TAFA2: variants seen among roughly 807,000 people sequenced by gnomAD.
TAFA2 encodes chemokine-like protein TAFA-2.
TAFA2 carries 7 observed loss-of-function variants against 18.8 expected under a neutral mutation model. The observed-to-expected ratio is 0.37, with a 90% CI of 0.21 to 0.70. The LOEUF (loss-of-function observed/expected upper bound fraction) is 0.70, where lower values mean the gene tolerates loss of function less well. Among genes scored for constraint, TAFA2 ranks in the 30% least tolerant of loss-of-function variants. TAFA2 has a pLI of 0.53. For missense variants in TAFA2, 122 were observed against 158.1 expected (o/e 0.77, Z 1.23); for synonymous variants, 60 against 54.2 (o/e 1.11, Z -0.47).
In TAFA2 at chr12:62,163,322, A is replaced by G. The variant is rs186603830; in HGVS notation, c.-2+27937T>C. Among the ~76,000 whole-genome samples, 8 of 152,268 alleles carry G rather than the reference A, an allele frequency of 5.3e-5. No homozygotes were observed. The East Asian group carries it at 1.5e-3, about 29-fold the overall frequency. ...CAAACACTGAAAGAAAACACGAATC[A>G]CAACTTTCCATTGCTCTTAGGAGCT... is the stretch of plus-strand genomic sequence containing the variant. On this transcript the variant is annotated intron_variant, in intron 1 of 4. Coordinates refer to ENST00000416284, the MANE Select transcript of TAFA2 (RefSeq NM_178539.5).
At chr12:61,849,300 C>T (rs1873542566) in intron 2 of TAFA2, among the ~76,000 whole-genome samples, 1 of 152,176 alleles carries the variant, frequency 6.6e-6, no homozygotes, top group Admixed American at 6.5e-5. Flanking sequence ...AGCTCAAACC[C>T]TAAACACTTC....
At chr12:62,164,858 T>A (rs2136934178) in intron 1 of TAFA2, among the ~76,000 whole-genome samples, 1 of 152,158 alleles carries the variant, frequency 6.6e-6, no homozygotes, top group East Asian at 1.9e-4. Flanking sequence ...CACAGAGGGC[T>A]AAACAAATAA....
chr12:62,110,031 G>C (rs561814148), intron 1 of TAFA2, among the ~76,000 whole-genome samples: 1 of 152,236 alleles, frequency 6.6e-6, no homozygotes, highest in South Asian at 2.1e-4. Flanking sequence ...TAGGAGTGGT[G>C]AGAGAGGGCA....
chr12:62,070,678 G>A (rs1882608240), intron 1 of TAFA2: 1 of 152,122 alleles, frequency 6.6e-6, no homozygotes, highest in South Asian at 2.1e-4. Flanking sequence ...CCACAGAAAA[G>A]CCTCCTAACT....
intron 1 of TAFA2, among the ~76,000 whole-genome samples, chr12:62,076,438 A>C (rs348671): frequency 0.85 from 128,622 of 152,120 alleles, 54,584 homozygotes; most frequent in Non-Finnish European, 0.86. Flanking sequence ...CTGCCCTACA[A>C]TTCAGCAAAG....
chr12:61,716,753 T>C (rs1324177466), intron 4 of TAFA2, among the ~76,000 whole-genome samples: 2 of 152,190 alleles, frequency 1.3e-5, no homozygotes, highest in African/African-American at 4.8e-5. Context: ...AAAATATCCA[T>C]GTTATTAGAT....
At chr12:62,195,415 T>G (rs2062644923), upstream of TAFA2, among the ~76,000 whole-genome samples, 1 of 152,218 alleles carries the variant, frequency 6.6e-6, no homozygotes, top group Non-Finnish European at 1.5e-5. Flanking sequence ...AGCTTTTCAA[T>G]TTACTTTGCC....
At chr12:62,014,743 T>G (rs762105073) in intron 1 of TAFA2, among the ~76,000 whole-genome samples, 14 of 152,246 alleles carry the variant, frequency 9.2e-5, no homozygotes, top group Non-Finnish European at 1.5e-5. Context: ...AACTAGCATT[T>G]ATTAAACAGA....
intron 1 of TAFA2, among the ~76,000 whole-genome samples, chr12:62,059,527 G>T (rs1456992412): frequency 6.6e-6 from 1 of 151,968 alleles, no homozygotes; most frequent in Non-Finnish European, 1.5e-5. Context: ...GATAGCAGAA[G>T]TTTAGCAGTG....
At chr12:62,213,313 C>A (rs988060699) in intron 1 of TAFA2, among the ~76,000 whole-genome samples, 2 of 152,128 alleles carry the variant, frequency 1.3e-5, no homozygotes, top group African/African-American at 4.8e-5. Flanking sequence ...ATTACCTGAA[C>A]CATTTAGGTA....
intron 2 of TAFA2, among the ~76,000 whole-genome samples, chr12:61,840,071 C>G (rs1383279927): frequency 1.3e-5 from 2 of 151,982 alleles, no homozygotes; most frequent in Admixed American, 1.3e-4. Context: ...AGAGAGCCCA[C>G]AAAAGGCCAA....
At chr12:62,002,811 C>T (rs1468675093) in intron 1 of TAFA2, among the ~76,000 whole-genome samples, 3 of 152,190 alleles carry the variant, frequency 2.0e-5, no homozygotes, top group East Asian at 1.9e-4. Flanking sequence ...ACCTATAAAT[C>T]GTCTAAAATT....
intron 4 of TAFA2, among the ~76,000 whole-genome samples, chr12:61,740,779 C>T (rs2120698102): frequency 6.6e-6 from 1 of 151,206 alleles, no homozygotes; most frequent in African/African-American, 2.4e-5. Flanking sequence ...TAAGCAGAAC[C>T]TCAACAAAAT....
chr12:61,748,952 A>C (rs920555294), intron 4 of TAFA2, among the ~76,000 whole-genome samples: 1 of 151,984 alleles, frequency 6.6e-6, no homozygotes, highest in African/African-American at 2.4e-5. Flanking sequence ...TGTTGTCAAT[A>C]GACTGCATAT....
chr12:61,893,835 A>G (rs1337519511), intron 1 of TAFA2, among the ~76,000 whole-genome samples: 3 of 152,228 alleles, frequency 2.0e-5, no homozygotes, highest in African/African-American at 7.2e-5. Context: ...AATGAATGTT[A>G]GATAATCACT....
At chr12:62,061,809 T>A (rs1001672295) in intron 1 of TAFA2, among the ~76,000 whole-genome samples, 1 of 152,198 alleles carries the variant, frequency 6.6e-6, no homozygotes, top group Admixed American at 6.5e-5. Context: ...CAGATCAGAC[T>A]ATTTTTTTAC....
chr12:61,951,681 A>G (rs1878472514), intron 1 of TAFA2, among the ~76,000 whole-genome samples: 2 of 152,118 alleles, frequency 1.3e-5, no homozygotes, highest in South Asian at 2.1e-4. Flanking sequence ...AACATAGTGT[A>G]TCATTTTTTC....
intron 1 of TAFA2, among the ~76,000 whole-genome samples, chr12:62,186,962 A>G (rs7979000): frequency 0.078 from 11,937 of 152,274 alleles, 597 homozygotes; most frequent in Middle Eastern, 0.18. Context: ...TCCATGTGGT[A>G]TACACATTAG....
intron 1 of TAFA2, among the ~76,000 whole-genome samples, chr12:62,100,167 A>ACACACACACAC (rs1266946253): frequency 6.6e-6 from 1 of 151,622 alleles, no homozygotes; most frequent in Non-Finnish European, 1.5e-5. Context: ...ACACACACAC[A>ACACACACACAC]CACAGCCCTT....
Sources: allele counts gnomAD v4.1 joint callset (sites outside exome capture counted in the v4.1 genomes callset), GRCh38; gene constraint gnomAD v4.1.1; transcripts MANE v1.5; gene names NCBI Gene and HGNC (gene_info 2026-07-23, HGNC 2026-07-21).